ROBO1: variants seen among roughly 807,000 people sequenced by gnomAD.
The protein encoded by ROBO1 is roundabout homolog 1.
In ROBO1, 149 loss-of-function variants were observed where a neutral mutation model predicts 195.9. The ratio of observed to expected loss-of-function variants is 0.76; its 90% CI spans 0.67 to 0.87. ROBO1 has a LOEUF of 0.87. Among genes scored for constraint, ROBO1 ranks in the 40% least tolerant of loss-of-function variants. The probability of loss-of-function intolerance (pLI) is 0.00; values close to 1 mark genes in which losing one functional copy is unlikely to be tolerated. For synonymous variants in ROBO1, 816 were observed against 733.2 expected (o/e 1.11, Z -1.82); for missense variants, 1,933 against 2,068.3 (o/e 0.93, Z 1.27).
At chr3:78,980,129 G>C (rs1219652908) in intron 3 of ROBO1, among the ~76,000 whole-genome samples, 1 of 152,090 alleles carries the variant, frequency 6.6e-6, no homozygotes, top group Non-Finnish European at 1.5e-5. Flanking sequence ...TTAAATTAAT[G>C]TTATAATTAT....
intron 1 of ROBO1, among the ~76,000 whole-genome samples, chr3:79,704,874 A>C (rs9862790): frequency 0.29 from 43,282 of 151,760 alleles, 7,204 homozygotes; most frequent in African/African-American, 0.47. Context: ...CTGTAATTCA[A>C]CCATATGAAT....
At chr3:79,079,623 C>T (rs919929814) in intron 3 of ROBO1, among the ~76,000 whole-genome samples, 1 of 151,616 alleles carries the variant, frequency 6.6e-6, no homozygotes, top group East Asian at 1.9e-4. Context: ...ATATCCACTT[C>T]ATTATTTTCT....
intron 2 of ROBO1, among the ~76,000 whole-genome samples, chr3:79,177,964 G>C (rs1388333658): frequency 6.6e-6 from 1 of 152,142 alleles, no homozygotes; most frequent in Non-Finnish European, 1.5e-5. Context: ...CTGTGTACAA[G>C]ATCATGTGGC....
chr3:79,213,297 A>G (rs2081998318), intron 2 of ROBO1, among the ~76,000 whole-genome samples: 1 of 152,154 alleles, frequency 6.6e-6, no homozygotes, highest in Non-Finnish European at 1.5e-5. Flanking sequence ...AGATCATGGC[A>G]TATTGTGAAC....
chr3:79,631,433 A>T (rs1356631868), intron 1 of ROBO1, among the ~76,000 whole-genome samples: 1 of 152,086 alleles, frequency 6.6e-6, no homozygotes, highest in Non-Finnish European at 1.5e-5. Flanking sequence ...GGATAGCCAT[A>T]TGCAGAAGAA....
intron 3 of ROBO1, among the ~76,000 whole-genome samples, chr3:79,020,094 T>G (rs1296056262): frequency 6.6e-6 from 1 of 152,112 alleles, no homozygotes; most frequent in Non-Finnish European, 1.5e-5. Context: ...ACTCCACACA[T>G]TAGAAAGCTA....
chr3:78,988,974 T>C (rs948565972), intron 3 of ROBO1, among the ~76,000 whole-genome samples: 1 of 151,912 alleles, frequency 6.6e-6, no homozygotes, highest in Non-Finnish European at 1.5e-5. Context: ...ATCACAAAAG[T>C]AAAAAGTAGA....
At chr3:78,830,619 C>T (rs2032084408) in intron 4 of ROBO1, among the ~76,000 whole-genome samples, 1 of 152,174 alleles carries the variant, frequency 6.6e-6, no homozygotes, top group Admixed American at 6.5e-5. Flanking sequence ...AGAACTAACT[C>T]ACTATCATGA....
At chr3:78,854,829 CTAACTTT>C (rs2034310941) in intron 4 of ROBO1, among the ~76,000 whole-genome samples, 1 of 152,102 alleles carries the variant, frequency 6.6e-6, no homozygotes, top group African/African-American at 2.4e-5. Context: ...CATATTTCAA[CTAACTTT>C]TATAGTTTGC....
chr3:79,742,269 C>T (rs571300182), intron 1 of ROBO1, among the ~76,000 whole-genome samples: 1 of 152,328 alleles, frequency 6.6e-6, no homozygotes, highest in South Asian at 2.1e-4. Context: ...CCTCCTGTTA[C>T]AGGCATGGGG....
intron 2 of ROBO1, among the ~76,000 whole-genome samples, chr3:79,220,294 C>G (rs958803468): frequency 2.0e-5 from 3 of 152,014 alleles, no homozygotes; most frequent in Admixed American, 1.3e-4. Flanking sequence ...AAATATTTCA[C>G]TCTGGAATTT....
At chr3:79,152,039 G>A (rs2080781678) in intron 2 of ROBO1, among the ~76,000 whole-genome samples, 1 of 151,630 alleles carries the variant, frequency 6.6e-6, no homozygotes, top group Admixed American at 6.6e-5. Flanking sequence ...ATTAAGTGAT[G>A]TCTCCTTTCA....
At chr3:79,280,952 C>T (rs2031462630) in intron 2 of ROBO1, among the ~76,000 whole-genome samples, 1 of 152,090 alleles carries the variant, frequency 6.6e-6, no homozygotes, top group South Asian at 2.1e-4. Context: ...GTTTAGGGGC[C>T]AGTACGGGTC....
chr3:79,511,581 A>T (rs754160358), intron 2 of ROBO1, among the ~76,000 whole-genome samples: 1 of 152,148 alleles, frequency 6.6e-6, no homozygotes, highest in Non-Finnish European at 1.5e-5. Context: ...AGTTTATTTA[A>T]GCTTCAATAC....
At chr3:78,904,495 A>C (rs2037772122) in intron 4 of ROBO1, among the ~76,000 whole-genome samples, 1 of 152,060 alleles carries the variant, frequency 6.6e-6, no homozygotes, top group Non-Finnish European at 1.5e-5. Context: ...AAAAATTCCC[A>C]AACGTCAATA....
chr3:79,462,619 G>C (rs11926475), intron 2 of ROBO1, among the ~76,000 whole-genome samples: 5,243 of 152,220 alleles, frequency 0.034, 210 homozygotes, highest in African/African-American at 0.098. Context: ...AGAAAATAAA[G>C]TTACCTACGA....
At chr3:79,666,424 G>A (rs1264279826) in intron 1 of ROBO1, among the ~76,000 whole-genome samples, 1 of 151,758 alleles carries the variant, frequency 6.6e-6, no homozygotes, top group African/African-American at 2.4e-5. Context: ...TTCATTCTGT[G>A]TTTTACTGAT....
intron 2 of ROBO1, among the ~76,000 whole-genome samples, chr3:79,558,368 C>G (rs1230959079): frequency 6.6e-6 from 1 of 152,180 alleles, no homozygotes; most frequent in Non-Finnish European, 1.5e-5. Flanking sequence ...TTTCTTACGA[C>G]ATTCTTAATA....
chr3:78,774,032 C>T (rs548248134), intron 4 of ROBO1, among the ~76,000 whole-genome samples: 34 of 152,270 alleles, frequency 2.2e-4, no homozygotes, highest in Non-Finnish European at 3.2e-4. Context: ...GAGATGCACT[C>T]CTTTTCTTAC....
Sources: allele counts gnomAD v4.1 joint callset (sites outside exome capture counted in the v4.1 genomes callset), GRCh38; gene constraint gnomAD v4.1.1; transcripts MANE v1.5; gene names NCBI Gene and HGNC (gene_info 2026-07-23, HGNC 2026-07-21).